ZSCAN5A: variants seen among roughly 807,000 people sequenced by gnomAD.
The protein encoded by ZSCAN5A is zinc finger and SCAN domain containing 5A, also known as zinc finger and SCAN domain-containing protein 5A.
In ZSCAN5A, 12 loss-of-function variants were observed where a neutral mutation model predicts 23.7. The observed-to-expected ratio is 0.51, with a 90% CI of 0.32 to 0.82. ZSCAN5A has a LOEUF of 0.82. Among genes scored for constraint, ZSCAN5A ranks in the 40% least tolerant of loss-of-function variants. ZSCAN5A has a pLI of 0.03. For synonymous variants in ZSCAN5A, 257 were observed against 239.9 expected, an observed-to-expected ratio of 1.07 and a Z score of -0.66; for missense variants, 597 against 617.9, an observed-to-expected ratio of 0.97 and a Z score of 0.36.
intron 2 of ZSCAN5A, among the ~76,000 whole-genome samples, chr19:56,279,392 T>C (rs1281251239): frequency 3.3e-5 from 5 of 152,140 alleles, no homozygotes; most frequent in African/African-American, 1.2e-4. Flanking sequence ...TAGCGCTCAG[T>C]AGGACTAAAT....
At chr19:56,243,907 T>A (rs1600072221) in intron 2 of ZSCAN5A, 2 of 471,772 alleles carry the variant, frequency 4.2e-6, no homozygotes, top group Non-Finnish European at 7.6e-6. Flanking sequence ...CGGGCTCATG[T>A]TTTTTTTTGC....
intron 2 of ZSCAN5A, 120 bp from the exon 3 acceptor site, chr19:56,225,293 TC>T: frequency 5.5e-6 from 5 of 909,016 alleles, no homozygotes; most frequent in Non-Finnish European, 6.1e-6. Flanking sequence ...ACAGTGGAAA[TC>T]TTCCAGTGTC....
chr19:56,357,266 A>T (rs1157875379), intron 2 of ZSCAN5A, among the ~76,000 whole-genome samples: 1 of 148,618 alleles, frequency 6.7e-6, no homozygotes, highest in Non-Finnish European at 1.5e-5. Flanking sequence ...TATCACTGCT[A>T]TTTGGTAAAT....
At chr19:56,280,478 G>C (rs2038608181) in intron 2 of ZSCAN5A, 1 of 151,698 alleles carries the variant, frequency 6.6e-6, no homozygotes, top group East Asian at 1.9e-4. Flanking sequence ...TATATCTGTA[G>C]GATTATACAT....
intron 2 of ZSCAN5A, among the ~76,000 whole-genome samples, chr19:56,300,922 C>T (rs980817115): frequency 1.3e-4 from 20 of 152,230 alleles, no homozygotes; most frequent in South Asian, 8.3e-4. Flanking sequence ...GAAAGCGACA[C>T]GGTCGGATCT....
At chr19:56,323,167 TA>T (rs1400040186) in intron 2 of ZSCAN5A, among the ~76,000 whole-genome samples, 1 of 152,172 alleles carries the variant, frequency 6.6e-6, no homozygotes, top group East Asian at 1.9e-4. Flanking sequence ...GTGCTGGGAT[TA>T]CAGGCGTGAG....
chr19:56,253,811 G>A (rs1290553265), intron 2 of ZSCAN5A, among the ~76,000 whole-genome samples: 2 of 152,142 alleles, frequency 1.3e-5, no homozygotes, highest in Non-Finnish European at 2.9e-5. Flanking sequence ...GGTTTTGCAC[G>A]GGGTAAGGTG....
chr19:56,319,896 T>C, intron 2 of ZSCAN5A: 7 of 948,584 alleles, frequency 7.4e-6, no homozygotes, highest in South Asian at 1.3e-5. Context: ...ATAGCACTCA[T>C]CAGCTGCAAA....
intron 2 of ZSCAN5A, among the ~76,000 whole-genome samples, chr19:56,361,328 C>G (rs756310943): frequency 9.9e-5 from 15 of 152,152 alleles, no homozygotes; most frequent in Non-Finnish European, 1.5e-4. Flanking sequence ...CCAGAAATAC[C>G]ATTTGACCCA....
chr19:56,274,447 CTG>C (rs2038095170), intron 2 of ZSCAN5A: 1 of 134,186 alleles, frequency 7.5e-6, no homozygotes, highest in Non-Finnish European at 1.6e-5. Flanking sequence ...GAGCAAGACT[CTG>C]TTTCAAAAAG....
At chr19:56,334,673 G>T (rs931340957) in intron 2 of ZSCAN5A, among the ~76,000 whole-genome samples, 1 of 152,106 alleles carries the variant, frequency 6.6e-6, no homozygotes, top group Admixed American at 6.5e-5. Context: ...GCCTTCACTG[G>T]TGATACCTCC....
chr19:56,349,564 G>A (rs1186483513), intron 2 of ZSCAN5A, among the ~76,000 whole-genome samples: 2 of 151,770 alleles, frequency 1.3e-5, no homozygotes, highest in African/African-American at 4.8e-5. Flanking sequence ...AATTAGCCGG[G>A]TGCAGTGGTG....
rs530813389 is a variant in ZSCAN5A at position 56,320,895 on chromosome 19, C to A, written c.-357-4627G>T. 1.2e-4 allele frequency: 92 copies of A among 763,066 alleles called. 1 individual carries two copies. Among genetic ancestry groups the A allele is most frequent in the African/African-American group, 1.2e-3 (68 of 58,730 alleles). The allele number at this position is 763,066 out of a possible 1,614,324, so 47.3% of individuals were successfully genotyped here. On this transcript the variant is annotated intron_variant, in intron 2 of 6. Coordinates refer to the ZSCAN5A transcript ENST00000587340. ...TTCATGTAGAGTGTGGGGTTCCAAT[C>A]TTTACCCCCTTGAAGGAAAAGCCCA... is the stretch of plus-strand genomic sequence containing the variant.
At chr19:56,327,009 T>G (rs2147431639) in intron 2 of ZSCAN5A, among the ~76,000 whole-genome samples, 1 of 152,228 alleles carries the variant, frequency 6.6e-6, no homozygotes, top group South Asian at 2.1e-4. Context: ...AGGTTGTGCT[T>G]AACCTCAAAA....
intron 2 of ZSCAN5A, among the ~76,000 whole-genome samples, chr19:56,343,833 T>G (rs1338169249): frequency 6.6e-6 from 1 of 152,174 alleles, no homozygotes; most frequent in Non-Finnish European, 1.5e-5. Context: ...GACAAAAGAG[T>G]GTATACCTTT....
intron 2 of ZSCAN5A, among the ~76,000 whole-genome samples, chr19:56,264,946 A>G (rs1390064547): frequency 3.3e-5 from 5 of 152,052 alleles, no homozygotes; most frequent in Admixed American, 2.6e-4. Context: ...ACATGGTGAA[A>G]CCCCGTATCT....
intron 2 of ZSCAN5A, chr19:56,343,356 C>A: frequency 1.7e-6 from 1 of 573,724 alleles, no homozygotes; most frequent in Non-Finnish European, 3.4e-6. Context: ...TGCAAGGTAG[C>A]AGTTGTCTTA....
intron 2 of ZSCAN5A, chr19:56,284,227 C>T (rs2038934138): frequency 1.0e-6 from 1 of 974,344 alleles, no homozygotes; most frequent in Non-Finnish European, 1.2e-6. Flanking sequence ...TGCCACTTCA[C>T]AATGCCCCCA....
At chr19:56,229,044 A>C in intron 2 of ZSCAN5A, among the ~76,000 whole-genome samples, 1 of 152,194 alleles carries the variant, frequency 6.6e-6, no homozygotes, top group Non-Finnish European at 1.5e-5. Flanking sequence ...TAGGGCTCTC[A>C]AGCACGAAAA....
Sources: allele counts gnomAD v4.1 joint callset (sites outside exome capture counted in the v4.1 genomes callset), GRCh38; gene constraint gnomAD v4.1.1; transcripts MANE v1.5; gene names NCBI Gene and HGNC (gene_info 2026-07-23, HGNC 2026-07-21).